PRKAR1A: variants seen among roughly 807,000 people sequenced by gnomAD.
PRKAR1A encodes cAMP-dependent protein kinase type I-alpha regulatory subunit.
Under a neutral mutation model 52.0 loss-of-function variants are expected in PRKAR1A, and 3 were observed. The observed-to-expected ratio is 0.06, with a 90% CI of 0.03 to 0.15. The LOEUF is 0.15. Ranked by LOEUF, PRKAR1A falls within the 10% of genes least tolerant of loss-of-function variation. The pLI is 1.00. For missense variants in PRKAR1A, 240 were observed against 477.4 expected (o/e 0.50, Z 4.63); for synonymous variants, 188 against 168.4 (o/e 1.12, Z -0.90).
chr17:68,534,049 A>G (rs2086044085), downstream of PRKAR1A, among the ~76,000 whole-genome samples: 1 of 152,338 alleles, frequency 6.6e-6, no homozygotes, highest in East Asian at 1.9e-4. Flanking sequence ...TATAATAGCT[A>G]TCAGTAAACG....
chr17:68,551,288 T>G (rs949464911), exon 12 of PRKAR1A: 2 of 447,474 alleles, frequency 4.5e-6, no homozygotes, highest in South Asian at 2.4e-4. Flanking sequence ...GCTGTTGTTA[T>G]GAATAAAATA....
At chr17:68,533,701 C>G (rs1438086904), downstream of PRKAR1A, among the ~76,000 whole-genome samples, 1 of 152,116 alleles carries the variant, frequency 6.6e-6, no homozygotes, top group Non-Finnish European at 1.5e-5. Context: ...TAATTTGTCC[C>G]CAAAGGTACG....
chr17:68,523,866 C>A, intron 4 of PRKAR1A, 50 bp downstream of exon 4: 1 of 1,596,426 alleles, frequency 6.3e-7, no homozygotes, highest in Non-Finnish European at 8.6e-7. Flanking sequence ...GGGTGTGATC[C>A]CAAATTGTTT....
chr17:68,523,240 A>G (rs534496129), intron 3 of PRKAR1A, among the ~76,000 whole-genome samples: 63 of 152,132 alleles, frequency 4.1e-4, no homozygotes, highest in Middle Eastern at 6.8e-3. Context: ...ATCCTATTAA[A>G]TGTTGTGGCT....
At chr17:68,441,428 T>C in the PRKAR1A span, among the ~76,000 whole-genome samples, 1 of 152,228 alleles carries the variant, frequency 6.6e-6, no homozygotes, top group East Asian at 1.9e-4. Flanking sequence ...TGATTGTGTC[T>C]TCCTTCTGTA....
chr17:68,522,172 G>C (rs2085632793), intron 2 of PRKAR1A, among the ~76,000 whole-genome samples: 6 of 152,200 alleles, frequency 3.9e-5, no homozygotes, highest in Admixed American at 3.9e-4. Flanking sequence ...ACTGGAATGT[G>C]AATTCCACAG....
chr17:68,494,930 GC>G, the PRKAR1A span, among the ~76,000 whole-genome samples: 1 of 152,198 alleles, frequency 6.6e-6, no homozygotes, highest in African/African-American at 2.4e-5. Context: ...TTGTTAGATA[GC>G]CGTAGATAAT....
the PRKAR1A span, among the ~76,000 whole-genome samples, chr17:68,486,561 CTTTCTT>C: frequency 3.4e-4 from 44 of 128,172 alleles, no homozygotes; most frequent in African/African-American, 1.2e-3. Context: ...TTCTTTCTTT[CTTTCTT>C]TCTTCTTTCC....
At chr17:68,489,087 C>T in the PRKAR1A span, among the ~76,000 whole-genome samples, 5,430 of 147,126 alleles carry the variant, frequency 0.037, 376 homozygotes, top group African/African-American at 0.13. Flanking sequence ...AGAGGTGGGG[C>T]TGACCAGATT....
chr17:68,495,778 C>T, the PRKAR1A span, among the ~76,000 whole-genome samples: 1 of 151,370 alleles, frequency 6.6e-6, no homozygotes, highest in Non-Finnish European at 1.5e-5. Flanking sequence ...GAATTCTGAA[C>T]CTTAGAAATC....
chr17:68,527,547 G>A (rs947160833), intron 7 of PRKAR1A: 18 of 375,816 alleles, frequency 4.8e-5, no homozygotes, highest in South Asian at 2.0e-4. Flanking sequence ...CCGGTATTTC[G>A]ACTGTATTTG....
At chr17:68,458,049 A>C in the PRKAR1A span, among the ~76,000 whole-genome samples, 1 of 151,980 alleles carries the variant, frequency 6.6e-6, no homozygotes. Flanking sequence ...AGAGTTTAGC[A>C]GAGAGCGTTA....
At chr17:68,435,549 A>C in the PRKAR1A span, 1 of 1,482,346 alleles carries the variant, frequency 6.7e-7, no homozygotes, top group African/African-American at 1.4e-5. Flanking sequence ...GGTTTGTTCA[A>C]TCCCATCCCT....
the PRKAR1A span, chr17:68,425,821 G>A: frequency 4.9e-6 from 2 of 405,934 alleles, no homozygotes; most frequent in Non-Finnish European, 8.8e-6. Context: ...GCTGGAGGGA[G>A]GCCACCAAGA....
At chr17:68,494,366 C>T in the PRKAR1A span, among the ~76,000 whole-genome samples, 1 of 152,044 alleles carries the variant, frequency 6.6e-6, no homozygotes, top group African/African-American at 2.4e-5. Context: ...ATAGAGAAAC[C>T]TCATCTCTAC....
At chr17:68,516,110 T>C (rs1261359771) in intron 2 of PRKAR1A, among the ~76,000 whole-genome samples, 1 of 152,210 alleles carries the variant, frequency 6.6e-6, no homozygotes, top group Admixed American at 6.5e-5. Flanking sequence ...TTGATATTGA[T>C]GTTCCTCAAA....
chr17:68,532,835 A>C lies in PRKAR1A; in HGVS notation c.*2386A>C, dbSNP rs2086014492. On this transcript the variant is annotated 3_prime_UTR_variant, in exon 11 of 11. Transcript: ENST00000589228. ...TCTCTCTGTCCTTCCCCGAAAGTCT[A>C]CTCGGGTGGGCAAAAATGAAAAGGG... is the stretch of plus-strand genomic sequence containing the variant. 3.8e-6 allele frequency: 4 copies of C among 1,066,184 alleles called. No individual in the cohort carries two copies. The highest frequency in any genetic ancestry group is 1.1e-6 in the Non-Finnish European group (1 of 879,746). The allele number at this position is 1,066,184 out of a possible 1,614,324, so 66.0% of individuals were successfully genotyped here.
the PRKAR1A span, among the ~76,000 whole-genome samples, chr17:68,453,352 C>G: frequency 1.3e-5 from 2 of 152,200 alleles, no homozygotes. Flanking sequence ...AAAGCTCTAC[C>G]TCCAACACAA....
chr17:68,418,258 C>A, the PRKAR1A span, among the ~76,000 whole-genome samples: 1 of 152,146 alleles, frequency 6.6e-6, no homozygotes, highest in Non-Finnish European at 1.5e-5. Context: ...TTCCCTTGAA[C>A]TTATAAAGCC....
Sources: gnomAD v4.1 joint callset for allele counts (sites outside exome capture counted in the v4.1 genomes callset) on GRCh38, gnomAD v4.1.1 for gene constraint, MANE v1.5 for transcripts, NCBI Gene and HGNC (gene_info 2026-07-23, HGNC 2026-07-21) for gene names.